The following ATG16L2 variants were observed in gnomAD, a reference collection of about 807,000 sequenced individuals.
The protein encoded by ATG16L2 is autophagy related 16 like 2.
ATG16L2 carries 77 observed loss-of-function variants against 84.7 expected under a neutral mutation model. The ratio of observed to expected loss-of-function variants is 0.91; its 90% CI spans 0.76 to 1.10. The LOEUF is 1.10. Ranked by LOEUF, ATG16L2 falls within the 50% of genes least tolerant of loss-of-function variation. The probability of loss-of-function intolerance (pLI) is 0.00; values close to 1 mark genes in which losing one functional copy is unlikely to be tolerated. For missense variants in ATG16L2, 782 were observed against 817.6 expected (o/e 0.96, Z 0.53); for synonymous variants, 361 against 342.8 (o/e 1.05, Z -0.59).
downstream of ATG16L2, chr11:72,829,755 GTC>G (rs937624044): frequency 2.0e-6 from 1 of 509,622 alleles, no homozygotes; most frequent in African/African-American, 2.1e-5. Flanking sequence ...AGCCAGCCGA[GTC>G]TCTGCCTGCA....
chr11:72,819,967 G>A (rs896325328), intron 3 of ATG16L2, among the ~76,000 whole-genome samples: 9 of 152,208 alleles, frequency 5.9e-5, no homozygotes, highest in South Asian at 4.1e-4. Context: ...GGATGGTTTT[G>A]ATCTCCTGAC....
intron 5 of ATG16L2, among the ~76,000 whole-genome samples, chr11:72,840,576 G>C (rs994011561): frequency 6.6e-6 from 1 of 152,176 alleles, no homozygotes; most frequent in Admixed American, 6.5e-5. Context: ...TGAAAAAAGT[G>C]TTTCACAATT....
At position 72,836,835 on chromosome 11, in the gene ATG16L2, C is replaced by T. The variant is rs935271135; in HGVS notation, c.*22-5782C>T. On this transcript the variant is annotated intron_variant, in intron 5 of 5. Transcript: ENST00000534905. ...TAAAGAAAGCACATCTGCACAGAGG[C>T]TCCCTCCGAGCCCTGACCTGTGCAC... 3 of 152,692 alleles carry T rather than the reference C, an allele frequency of 2.0e-5. No individual in the cohort carries two copies. In the East Asian group the frequency reaches 5.8e-4, roughly 29 times the overall value. The allele number at this position is 152,692 out of a possible 1,614,324, so 9.5% of individuals were successfully genotyped here.
chr11:72,815,039 C>G (rs1340022510), intron 1 of ATG16L2, among the ~76,000 whole-genome samples: 1 of 152,222 alleles, frequency 6.6e-6, no homozygotes, highest in African/African-American at 2.4e-5. Flanking sequence ...CAGGCTCTGC[C>G]GCTGACAGGC....
At chr11:72,827,038 CGTG>C in intron 13 of ATG16L2, 147 bp from the exon 14 acceptor site, 1 of 826,518 alleles carries the variant, frequency 1.2e-6, no homozygotes, top group Non-Finnish European at 1.9e-6. Context: ...AGGAAAAAGA[CGTG>C]GGTGAGCCCT....
chr11:72,822,353 C>G lies in ATG16L2; in HGVS notation c.644+58C>G. 6.5e-7 allele frequency: 1 copy of G among 1,548,498 alleles called. No homozygotes were observed. On this transcript the variant is annotated intron_variant, in intron 5 of 17. Transcript: ENST00000321297. This position sits in a 1 kb window ranked among gnomAD's most constrained non-coding sequence, Gnocchi z 4.2. Reference sequence around the variant, plus strand: ...AGGCCCCGCCCCTGCAGGGAGGAGTCGGGCCTCGCCGGTGTCTGGAAGGGA... The same window carrying G: ...AGGCCCCGCCCCTGCAGGGAGGAGTGGGGCCTCGCCGGTGTCTGGAAGGGA...
intron 10 of ATG16L2, 75 bp from the exon 11 acceptor site, chr11:72,826,098 C>T (rs1269158821): frequency 1.8e-5 from 23 of 1,261,056 alleles, no homozygotes; most frequent in East Asian, 7.3e-5. Context: ...ACTGATCTTC[C>T]GCTCTCAATC....
At chr11:72,838,617 C>A in intron 5 of ATG16L2, 1 of 590,878 alleles carries the variant, frequency 1.7e-6, no homozygotes, top group Non-Finnish European at 3.0e-6. Context: ...AAAAAAAAGG[C>A]ACGAAATATT....
chr11:72,837,958 A>T (rs1284154152), intron 5 of ATG16L2: 1 of 152,236 alleles, frequency 6.6e-6, no homozygotes, highest in Non-Finnish European at 1.5e-5. Context: ...TGGTAAGAAG[A>T]GTATATGCTG....
chr11:72,824,225 C>A, intron 8 of ATG16L2, 103 bp downstream of exon 8: 1 of 1,405,930 alleles, frequency 7.1e-7, no homozygotes, highest in Non-Finnish European at 1.0e-6. Context: ...CTGTGATGTG[C>A]AGCTGTCTGC....
chr11:72,839,014 C>T, intron 5 of ATG16L2: 5 of 664,074 alleles, frequency 7.5e-6, no homozygotes, highest in Non-Finnish European at 1.3e-5. Flanking sequence ...GTGCTTTCAA[C>T]CTAGTCTTCA....
Position 72,822,723 on chromosome 11 carries a change from C to T in ATG16L2, c.711-125C>T. The stretch of plus-strand genomic sequence containing the variant: ...TCGTAGGAGCCTGCATGCGTGACCG[C>T]TGCACGTGTACACCCACACAGAACC... On this transcript the variant is annotated intron_variant, in intron 6 of 17. Transcript: ENST00000321297. The surrounding 1 kb of genome is among the most constrained non-coding windows in gnomAD (Gnocchi z 4.2). 1 of 1,019,090 alleles carries T rather than the reference C, an allele frequency of 9.8e-7. No individual in the cohort carries two copies. Among genetic ancestry groups the T allele is most frequent in the South Asian group, 1.6e-5 (1 of 63,318 alleles). 63.1% of individuals were successfully genotyped at this position (1,019,090 alleles called of 1,614,324 possible).
chr11:72,836,691 C>T (rs951564895), intron 5 of ATG16L2: 1 of 152,376 alleles, frequency 6.6e-6, no homozygotes, highest in Non-Finnish European at 1.5e-5. Context: ...GAAGCATGGG[C>T]CTTTTGGAAA....
intron 5 of ATG16L2, chr11:72,841,437 C>A (rs377117989): frequency 1.9e-6 from 3 of 1,608,890 alleles, no homozygotes; most frequent in Non-Finnish European, 2.5e-6. Flanking sequence ...TAGACCCATG[C>A]CCAGGAGAAC....
At chr11:72,823,540 T>C in intron 7 of ATG16L2, 1 of 404,368 alleles carries the variant, frequency 2.5e-6, no homozygotes, top group Non-Finnish European at 4.9e-6. Context: ...ACACCTCTTC[T>C]CAGTCTTTCC....
At chr11:72,834,412 GAGTCC>G (rs1031795412), downstream of ATG16L2, among the ~76,000 whole-genome samples, 1 of 152,180 alleles carries the variant, frequency 6.6e-6, no homozygotes, top group Non-Finnish European at 1.5e-5. Context: ...CCCAGCGGGA[GAGTCC>G]AGTGGCTTGC....
At chr11:72,817,965 C>A in intron 3 of ATG16L2, 110 bp downstream of exon 3, 1 of 1,004,298 alleles carries the variant, frequency 1.0e-6, no homozygotes, top group Non-Finnish European at 1.5e-6. Context: ...GTGCTGCAAG[C>A]ATTGAGTGAG....
Position 72,825,316 on chromosome 11 carries a change from T to G in ATG16L2, c.1011T>G (p.Ser337=). The change falls in exon 10 of 18, where the codon TCT becomes TCG. Residue 337 remains serine (S), a synonymous_variant. Transcript: ENST00000321297. The part of the protein sequence containing the change: ...RAQDVLDAHL[S]EVNAVRFGPN... ...TTTCCCCACAGGATGCCCACCTCTC[T>G]GAGGTCAATGCTGTTCGTTTTGGCC... The G allele has an allele frequency of 6.2e-7, 1 of 1,613,460 alleles. No homozygotes were observed. Among genetic ancestry groups the G allele is most frequent in the Non-Finnish European group, 8.5e-7 (1 of 1,179,862 alleles).
In ATG16L2 at chr11:72,842,562, C is replaced by A; in HGVS notation, c.*22-55C>A. ...CCCACTTTTGTGTGGATCCACAGACCCTTTGGGAGCAATTTTCTTTAAACA... is the reference window on the plus strand; with the variant it reads ...CCCACTTTTGTGTGGATCCACAGACACTTTGGGAGCAATTTTCTTTAAACA... On this transcript the variant is annotated intron_variant, in intron 5 of 5. Coordinates refer to the ATG16L2 transcript ENST00000534905. 4 of 1,603,624 alleles carry A rather than the reference C, an allele frequency of 2.5e-6. No individual in the cohort carries two copies. In the East Asian group the frequency reaches 8.9e-5, roughly 36 times the overall value.
Sources: gnomAD v4.1 joint callset for allele counts (sites outside exome capture counted in the v4.1 genomes callset) on GRCh38, gnomAD v4.1.1 for gene constraint, Gnocchi (gnomAD v3.1) non-coding constraint, MANE v1.5 for transcripts, NCBI Gene and HGNC (gene_info 2026-07-23, HGNC 2026-07-21) for gene names.